Variants in PHTF2 observed in about 807,000 individuals in gnomAD.
PHTF2 encodes putative homeodomain transcription factor 2.
A neutral mutation model predicts 101.2 loss-of-function variants in PHTF2; 60 were observed. That is an observed-to-expected ratio of 0.59 (90% CI 0.48 to 0.73). PHTF2 has a LOEUF of 0.73. PHTF2 is among the 30% of genes least tolerant of loss of function. The pLI, the probability that PHTF2 is intolerant of heterozygous loss-of-function variation, is 0.00. For missense variants in PHTF2, 747 were observed against 908.7 expected (o/e 0.82, Z 2.29); for synonymous variants, 311 against 307.3 (o/e 1.01, Z -0.13).
At chr7:77,924,616 G>A (rs946137467) in intron 11 of PHTF2, among the ~76,000 whole-genome samples, 3 of 152,134 alleles carry the variant, frequency 2.0e-5, no homozygotes, top group Non-Finnish European at 4.4e-5. Context: ...AATTCTTTGG[G>A]GAAGTATTTT....
chr7:77,855,531 C>T (rs1166288010), intron 3 of PHTF2, among the ~76,000 whole-genome samples: 3 of 152,200 alleles, frequency 2.0e-5, no homozygotes, highest in Non-Finnish European at 4.4e-5. Flanking sequence ...GCTCTGAGCC[C>T]AGCACAGTAC....
exon 20 of PHTF2, chr7:77,956,000 A>G (rs1418959397): frequency 6.6e-6 from 1 of 152,530 alleles, no homozygotes; most frequent in East Asian, 1.9e-4. Flanking sequence ...CCAACAAATA[A>G]TTTGCCAAGT....
intron 1 of PHTF2, among the ~76,000 whole-genome samples, chr7:77,816,087 T>C (rs188939413): frequency 2.0e-5 from 3 of 152,262 alleles, no homozygotes; most frequent in African/African-American, 7.2e-5. Flanking sequence ...TTTTTTTTTT[T>C]CTTTGAGACA....
chr7:77,859,471 G>A (rs1442436975), intron 3 of PHTF2, among the ~76,000 whole-genome samples: 1 of 151,584 alleles, frequency 6.6e-6, no homozygotes, highest in East Asian at 1.9e-4. Context: ...TACGATTGTC[G>A]AACACCTAGG....
chr7:77,894,553 A>G (rs970461388), intron 5 of PHTF2, among the ~76,000 whole-genome samples: 3 of 152,216 alleles, frequency 2.0e-5, no homozygotes, highest in African/African-American at 4.8e-5. Context: ...TATAATCTCT[A>G]AACTTTTGAG....
intron 9 of PHTF2, among the ~76,000 whole-genome samples, chr7:77,917,380 G>A (rs1803026192): frequency 6.6e-6 from 1 of 152,182 alleles, no homozygotes; most frequent in Non-Finnish European, 1.5e-5. Flanking sequence ...CACTTGTTGC[G>A]ATTGGGGTGT....
intron 1 of PHTF2, among the ~76,000 whole-genome samples, chr7:77,817,200 C>T (rs1793917739): frequency 6.6e-6 from 1 of 152,106 alleles, no homozygotes; most frequent in Non-Finnish European, 1.5e-5. Flanking sequence ...GTAAGAGTTC[C>T]TTTTTCTCTG....
chr7:77,852,671 C>G (rs1796861633), intron 2 of PHTF2, among the ~76,000 whole-genome samples: 1 of 152,164 alleles, frequency 6.6e-6, no homozygotes. Context: ...GTGTACTTAA[C>G]TATTACCAGT....
At chr7:77,847,527 C>G (rs1165480720) in intron 2 of PHTF2, among the ~76,000 whole-genome samples, 2 of 152,174 alleles carry the variant, frequency 1.3e-5, no homozygotes, top group Non-Finnish European at 2.9e-5. Flanking sequence ...ATGAATCACA[C>G]AGGTTGTGAC....
At chr7:77,832,567 G>T (rs1471645907) in intron 1 of PHTF2, among the ~76,000 whole-genome samples, 1 of 152,206 alleles carries the variant, frequency 6.6e-6, no homozygotes, top group Non-Finnish European at 1.5e-5. Flanking sequence ...TCCTGAGATT[G>T]CCACAAAACA....
intron 2 of PHTF2, among the ~76,000 whole-genome samples, chr7:77,841,064 G>GA (rs1270582133): frequency 1.4e-4 from 12 of 85,196 alleles, no homozygotes; most frequent in African/African-American, 7.7e-4. Flanking sequence ...TTATATAGGA[G>GA]AAAAAACAGA....
chr7:77,954,612 GTA>G (rs66540211), intron 19 of PHTF2, among the ~76,000 whole-genome samples: 4,095 of 90,090 alleles, frequency 0.045, 90 homozygotes, highest in Middle Eastern at 0.053. Flanking sequence ...CAAGTACTGT[GTA>G]TATATATATA....
At chr7:77,948,274 A>G (rs1190081282) in intron 16 of PHTF2, among the ~76,000 whole-genome samples, 1 of 152,206 alleles carries the variant, frequency 6.6e-6, no homozygotes, top group African/African-American at 2.4e-5. Context: ...TAGAGTTGTA[A>G]ATAGCCATAT....
At chr7:77,810,685 G>A (rs1793368874) in intron 1 of PHTF2, among the ~76,000 whole-genome samples, 2 of 150,606 alleles carry the variant, frequency 1.3e-5, no homozygotes, top group Admixed American at 6.6e-5. Flanking sequence ...CTACAGGCAC[G>A]TACCACTGCA....
intron 1 of PHTF2, among the ~76,000 whole-genome samples, chr7:77,819,934 G>C (rs1286216293): frequency 6.6e-6 from 1 of 152,130 alleles, no homozygotes; most frequent in African/African-American, 2.4e-5. Flanking sequence ...TGTTGGCCCA[G>C]GCTGGAGTGC....
At chr7:77,926,715 TC>T (rs1282079980) in intron 11 of PHTF2, among the ~76,000 whole-genome samples, 1 of 152,032 alleles carries the variant, frequency 6.6e-6, no homozygotes, top group Non-Finnish European at 1.5e-5. Context: ...ACGCCTGTAA[TC>T]CCAGCACTTT....
chr7:77,935,121 C>G (rs115322466), intron 12 of PHTF2, among the ~76,000 whole-genome samples: 4 of 68,828 alleles, frequency 5.8e-5, no homozygotes, highest in Non-Finnish European at 1.2e-4. Flanking sequence ...AGTGTACATT[C>G]CCCCCCCCCA....
chr7:77,950,789 C>A (rs1806470897), intron 17 of PHTF2, among the ~76,000 whole-genome samples: 1 of 152,170 alleles, frequency 6.6e-6, no homozygotes, highest in African/African-American at 2.4e-5. Context: ...AGACTTGTTA[C>A]CCTATGATTT....
chr7:77,895,147 G>A (rs1232906500), intron 5 of PHTF2: 1 of 455,814 alleles, frequency 2.2e-6, no homozygotes, highest in African/African-American at 2.0e-5. Context: ...TTGGTACTTG[G>A]GAGGGACATT....
Sources: gnomAD v4.1 joint callset for allele counts (sites outside exome capture counted in the v4.1 genomes callset) on GRCh38, gnomAD v4.1.1 for gene constraint, MANE v1.5 for transcripts, NCBI Gene and HGNC (gene_info 2026-07-23, HGNC 2026-07-21) for gene names.